Variants in SPOCK3 observed in about 807,000 individuals in gnomAD.
The protein encoded by SPOCK3 is SPARC (osteonectin), cwcv and kazal like domains proteoglycan 3.
Under a neutral mutation model 56.6 loss-of-function variants are expected in SPOCK3, and 30 were observed. The ratio of observed to expected loss-of-function variants is 0.53; its 90% CI spans 0.40 to 0.72. The LOEUF is 0.72. Ranked by LOEUF, SPOCK3 falls within the 30% of genes least tolerant of loss-of-function variation. The probability of loss-of-function intolerance (pLI) is 0.00; values close to 1 mark genes in which losing one functional copy is unlikely to be tolerated. For synonymous variants in SPOCK3, 196 were observed against 183.3 expected (o/e 1.07, Z -0.56); for missense variants, 527 against 530.0 (o/e 0.99, Z 0.06).
chr4:166,988,786 A>G (rs545758148), intron 4 of SPOCK3, among the ~76,000 whole-genome samples: 1 of 152,256 alleles, frequency 6.6e-6, no homozygotes, highest in East Asian at 1.9e-4. Context: ...TAAAAGGACG[A>G]AAATAATAGT....
chr4:167,217,571 G>A (rs1017398468), intron 2 of SPOCK3, among the ~76,000 whole-genome samples: 2 of 151,904 alleles, frequency 1.3e-5, no homozygotes, highest in African/African-American at 2.4e-5. Context: ...GGGTGTCCTG[G>A]AACCAATTCC....
At position 167,234,085 on chromosome 4, in the gene SPOCK3, C is replaced by G; in HGVS notation, c.89G>C (p.Gly30Ala). ...AAAATTACCGCCGTCCGACCGCCCC[C>G]CGGCTGCAGCCACCGCCGCGGCAGC... ...LAAAAAVAAAGGRSDGGNFLD... is the reference protein window; with the variant it reads ...LAAAAAVAAAAGRSDGGNFLD... The change falls in exon 2 of 11, where the codon GGG (glycine) becomes GCG (alanine). Residue 30 changes from glycine to alanine, a missense_variant. Transcript: ENST00000357545. 1.9e-6 allele frequency: 3 copies of G among 1,613,952 alleles called. No individual in the cohort carries two copies. Among genetic ancestry groups the G allele is most frequent in the Non-Finnish European group, 2.5e-6 (3 of 1,180,002 alleles).
chr4:167,030,099 A>ATCTG (rs1752124436), intron 3 of SPOCK3, among the ~76,000 whole-genome samples: 1 of 150,696 alleles, frequency 6.6e-6, no homozygotes, highest in Admixed American at 6.6e-5. Flanking sequence ...CTATCTATCT[A>ATCTG]TCTATCTATC....
At chr4:166,841,146 G>A (rs1747251889) in intron 6 of SPOCK3, among the ~76,000 whole-genome samples, 1 of 152,026 alleles carries the variant, frequency 6.6e-6, no homozygotes, top group South Asian at 2.1e-4. Context: ...TAAGTGTTGT[G>A]GGTCTGAAGT....
intron 5 of SPOCK3, among the ~76,000 whole-genome samples, chr4:166,908,555 C>T (rs1265285666): frequency 6.6e-6 from 1 of 151,270 alleles, no homozygotes; most frequent in Non-Finnish European, 1.5e-5. Flanking sequence ...CACACACACA[C>T]ACACACAATT....
chr4:166,841,566 T>A (rs1747337997), intron 6 of SPOCK3, among the ~76,000 whole-genome samples: 1 of 152,246 alleles, frequency 6.6e-6, no homozygotes, highest in Non-Finnish European at 1.5e-5. Context: ...TATTTTTGTG[T>A]CTGTCACTTT....
chr4:166,922,637 T>C (rs1579659482), intron 4 of SPOCK3, among the ~76,000 whole-genome samples: 1 of 152,164 alleles, frequency 6.6e-6, no homozygotes, highest in East Asian at 1.9e-4. Flanking sequence ...CCTTATGCTG[T>C]TTCTCTAATT....
intron 2 of SPOCK3, among the ~76,000 whole-genome samples, chr4:167,075,300 T>C (rs1757079593): frequency 6.6e-6 from 1 of 151,924 alleles, no homozygotes; most frequent in Non-Finnish European, 1.5e-5. Context: ...AATTAATCAA[T>C]ATATAATTTT....
At chr4:166,998,551 C>T (rs1477425368) in intron 4 of SPOCK3, among the ~76,000 whole-genome samples, 15 of 152,048 alleles carry the variant, frequency 9.9e-5, no homozygotes, top group Admixed American at 9.2e-4. Context: ...GCTTTGTAGT[C>T]TTGAGGCAGT....
At chr4:167,211,648 C>A (rs1222114873) in intron 2 of SPOCK3, among the ~76,000 whole-genome samples, 1 of 152,170 alleles carries the variant, frequency 6.6e-6, no homozygotes, top group Non-Finnish European at 1.5e-5. Context: ...CTCTTGTCTG[C>A]CACCATGTGA....
chr4:166,970,818 A>C (rs1745299910), intron 4 of SPOCK3, among the ~76,000 whole-genome samples: 1 of 152,156 alleles, frequency 6.6e-6, no homozygotes, highest in Non-Finnish European at 1.5e-5. Flanking sequence ...AACCCCATGA[A>C]ATAGAAATAT....
In SPOCK3 at chr4:167,000,396, T is replaced by C. The variant is rs770464530; in HGVS notation, c.303A>G (p.Gln101=). Reference sequence around the variant, plus strand: ...TAATGCAGACTGCAGTCTGAGAATCTTGAGCAATGCATACTTTATGGCGAC... The same window carrying C: ...TAATGCAGACTGCAGTCTGAGAATCCTGAGCAATGCATACTTTATGGCGAC... ...KCSRHKVCIA[Q]DSQTAVCISH... is the part of the protein sequence containing the mutation. The change falls in exon 4 of 11, where the codon CAA becomes CAG. Residue 101 remains glutamine, a synonymous_variant. Transcript: ENST00000357545. 1.2e-6 allele frequency: 2 copies of C among 1,608,064 alleles called. No homozygotes were observed. The highest frequency in any genetic ancestry group is 1.1e-5 in the South Asian group (1 of 90,144).
At chr4:166,786,192 T>C (rs1470460294) in intron 7 of SPOCK3, among the ~76,000 whole-genome samples, 1 of 152,076 alleles carries the variant, frequency 6.6e-6, no homozygotes, top group Non-Finnish European at 1.5e-5. Context: ...GAGTGAGCCA[T>C]ACAGATACCT....
At chr4:167,005,848 A>G (rs908820744) in intron 3 of SPOCK3, among the ~76,000 whole-genome samples, 16 of 152,336 alleles carry the variant, frequency 1.1e-4, no homozygotes, top group African/African-American at 3.1e-4. Flanking sequence ...AAATTAATTT[A>G]TGATTTTAAG....
At chr4:166,853,317 A>T (rs550068595) in intron 6 of SPOCK3, among the ~76,000 whole-genome samples, 1 of 152,368 alleles carries the variant, frequency 6.6e-6, no homozygotes, top group South Asian at 2.1e-4. Flanking sequence ...AAGAATAAGT[A>T]TGAAGACTTT....
chr4:167,211,756 G>A (rs373626816), intron 2 of SPOCK3, among the ~76,000 whole-genome samples: 15 of 151,988 alleles, frequency 9.9e-5, no homozygotes, highest in Admixed American at 5.2e-4. Context: ...GCCCAGTCTC[G>A]GGTATGTATT....
Position 166,734,829 on chromosome 4 carries a change from A to G in SPOCK3, c.*92T>C. 9.1e-7 allele frequency: 1 copy of G among 1,093,520 alleles called. No homozygotes were observed. The highest frequency in any genetic ancestry group is 1.3e-6 in the Non-Finnish European group (1 of 779,702). 67.7% of individuals were successfully genotyped at this position (1,093,520 alleles called of 1,614,324 possible). ...CAAAATATATGTGAGGTTTAGAATCATTTTGTTATTGGGGAAGAAGATAAT... is the reference window on the plus strand; with the variant it reads ...CAAAATATATGTGAGGTTTAGAATCGTTTTGTTATTGGGGAAGAAGATAAT... On this transcript the variant is annotated 3_prime_UTR_variant, in exon 11 of 11. Coordinates refer to ENST00000357545, the MANE Select transcript of SPOCK3 (RefSeq NM_001040159.2).
intron 3 of SPOCK3, among the ~76,000 whole-genome samples, chr4:167,050,947 C>A (rs1209670368): frequency 6.6e-6 from 1 of 151,888 alleles, no homozygotes; most frequent in Non-Finnish European, 1.5e-5. Context: ...AGTTCATACC[C>A]AATAAACTGA....
chr4:167,158,836 T>C (rs953144999), intron 2 of SPOCK3, among the ~76,000 whole-genome samples: 3 of 152,004 alleles, frequency 2.0e-5, no homozygotes, highest in African/African-American at 7.2e-5. Context: ...GTAACTGAGG[T>C]AAATGTTCAT....
Sources: allele counts gnomAD v4.1 joint callset (sites outside exome capture counted in the v4.1 genomes callset), GRCh38; gene constraint gnomAD v4.1.1; transcripts MANE v1.5; gene names NCBI Gene and HGNC (gene_info 2026-07-23, HGNC 2026-07-21).